Variants in CLVS1 observed in about 807,000 individuals in gnomAD.
CLVS1 encodes the protein clavesin-1.
In CLVS1, 10 loss-of-function variants were observed where a neutral mutation model predicts 33.1. That is an observed-to-expected ratio of 0.30 (90% CI 0.19 to 0.51). The LOEUF is 0.51. Ranked by LOEUF, CLVS1 falls within the 20% of genes least tolerant of loss-of-function variation. CLVS1 has a pLI of 0.97. For synonymous variants in CLVS1, 163 were observed against 166.1 expected (o/e 0.98, Z 0.14); for missense variants, 343 against 433.4 (o/e 0.79, Z 1.85).
chr8:61,413,336 T>A (rs1274886033), intron 3 of CLVS1, among the ~76,000 whole-genome samples: 1 of 152,236 alleles, frequency 6.6e-6, no homozygotes, highest in Non-Finnish European at 1.5e-5. Flanking sequence ...GCTGTTGTCC[T>A]GAACCCCTAT....
intron 3 of CLVS1, among the ~76,000 whole-genome samples, chr8:61,431,372 G>A (rs913993152): frequency 2.0e-5 from 3 of 152,208 alleles, no homozygotes; most frequent in African/African-American, 7.2e-5. Context: ...CCAAGAGGAG[G>A]CCGTGTATGA....
At chr8:61,041,392 A>G in the CLVS1 span, among the ~76,000 whole-genome samples, 1 of 152,120 alleles carries the variant, frequency 6.6e-6, no homozygotes, top group African/African-American at 2.4e-5. Context: ...TGATAGGAAT[A>G]ATGTTGAATC....
intron 3 of CLVS1, among the ~76,000 whole-genome samples, chr8:61,433,819 C>A (rs73685022): frequency 6.6e-6 from 1 of 151,982 alleles, no homozygotes; most frequent in African/African-American, 2.4e-5. Context: ...GAGGCCGAGG[C>A]AGGAGAATTG....
chr8:61,374,184 G>C (rs1411218322), intron 2 of CLVS1, among the ~76,000 whole-genome samples: 3 of 152,180 alleles, frequency 2.0e-5, no homozygotes, highest in Admixed American at 2.0e-4. Context: ...GATAAGTGAA[G>C]AATTGGTGTC....
intron 4 of CLVS1, among the ~76,000 whole-genome samples, chr8:61,457,261 T>A (rs972064822): frequency 2.0e-5 from 3 of 152,148 alleles, no homozygotes; most frequent in Non-Finnish European, 4.4e-5. Flanking sequence ...ATCATGGTTA[T>A]ACTGTATGTA....
chr8:61,329,731 A>G (rs1585810175), intron 2 of CLVS1, among the ~76,000 whole-genome samples: 1 of 152,194 alleles, frequency 6.6e-6, no homozygotes, highest in East Asian at 1.9e-4. Flanking sequence ...TGTAAATATT[A>G]TTTATAGTTG....
At chr8:61,460,147 T>C (rs2129607272) in intron 5 of CLVS1, among the ~76,000 whole-genome samples, 1 of 152,322 alleles carries the variant, frequency 6.6e-6, no homozygotes, top group Middle Eastern at 3.4e-3. Context: ...TAGCATATTG[T>C]TATGAAACGT....
intron 3 of CLVS1, among the ~76,000 whole-genome samples, chr8:61,436,643 C>G (rs1816340175): frequency 1.3e-5 from 2 of 152,156 alleles, no homozygotes; most frequent in African/African-American, 4.8e-5. Flanking sequence ...CTGGATTCTT[C>G]TCATATTTCT....
chr8:61,487,120 C>A (rs775711783), intron 5 of CLVS1, among the ~76,000 whole-genome samples: 3 of 152,016 alleles, frequency 2.0e-5, no homozygotes, highest in Non-Finnish European at 4.4e-5. Context: ...TGAGAATCTG[C>A]ATTTCTAACC....
chr8:61,189,950 A>C (rs547042853), intron 2 of CLVS1, among the ~76,000 whole-genome samples: 1 of 152,190 alleles, frequency 6.6e-6, no homozygotes, highest in Non-Finnish European at 1.5e-5. Context: ...CACTGTCAAC[A>C]TTAGACAGAC....
At chr8:61,399,807 C>T (rs1383325614) in intron 3 of CLVS1, among the ~76,000 whole-genome samples, 1 of 152,154 alleles carries the variant, frequency 6.6e-6, no homozygotes, top group Non-Finnish European at 1.5e-5. Context: ...TTCCCCATTG[C>T]TTGTCTTTGT....
At chr8:61,080,234 A>T (rs1804997122) in intron 1 of CLVS1, among the ~76,000 whole-genome samples, 1 of 152,250 alleles carries the variant, frequency 6.6e-6, no homozygotes, top group Non-Finnish European at 1.5e-5. Context: ...AACGATAAAA[A>T]AACACTATAT....
intron 2 of CLVS1, among the ~76,000 whole-genome samples, chr8:61,333,174 A>G (rs1338620308): frequency 6.6e-6 from 1 of 152,234 alleles, no homozygotes; most frequent in African/African-American, 2.4e-5. Context: ...AAAACGTTCA[A>G]AAATATCCTT....
At chr8:61,126,646 C>A (rs887783681) in intron 1 of CLVS1, among the ~76,000 whole-genome samples, 1 of 152,170 alleles carries the variant, frequency 6.6e-6, no homozygotes, top group African/African-American at 2.4e-5. Context: ...ACCTTAAGCA[C>A]CAAGGATTTG....
At chr8:61,386,100 T>G (rs1814073962) in intron 3 of CLVS1, among the ~76,000 whole-genome samples, 1 of 152,190 alleles carries the variant, frequency 6.6e-6, no homozygotes, top group Admixed American at 6.5e-5. Flanking sequence ...AGACCTGAGA[T>G]TCTTTATGAG....
chr8:61,371,845 C>T (rs1187603206), intron 2 of CLVS1, among the ~76,000 whole-genome samples: 2 of 152,124 alleles, frequency 1.3e-5, no homozygotes, highest in Non-Finnish European at 2.9e-5. Context: ...TCTAACTGCT[C>T]ACAGTATAAT....
chr8:61,290,469 A>C (rs745990269), intron 1 of CLVS1, among the ~76,000 whole-genome samples: 2 of 152,214 alleles, frequency 1.3e-5, no homozygotes, highest in Non-Finnish European at 2.9e-5. Context: ...ATTTTTGTAG[A>C]CATGCTCATA....
At chr8:61,346,886 T>C (rs917822940) in intron 2 of CLVS1, among the ~76,000 whole-genome samples, 7 of 152,204 alleles carry the variant, frequency 4.6e-5, no homozygotes, top group African/African-American at 1.7e-4. Context: ...CTGAGGCAGA[T>C]AGTTAAGATC....
chr8:61,234,115 G>T (rs551691605), intron 2 of CLVS1, among the ~76,000 whole-genome samples: 2 of 152,240 alleles, frequency 1.3e-5, no homozygotes, highest in African/African-American at 4.8e-5. Flanking sequence ...GGGTAGGGGG[G>T]CCAGCTTCCT....
Sources: allele counts gnomAD v4.1 joint callset (sites outside exome capture counted in the v4.1 genomes callset), GRCh38; gene constraint gnomAD v4.1.1; transcripts MANE v1.5; gene names NCBI Gene and HGNC (gene_info 2026-07-23, HGNC 2026-07-21).